ETV1: variants seen among roughly 807,000 people sequenced by gnomAD.
ETV1 encodes ETS translocation variant 1.
ETV1 carries 27 observed loss-of-function variants against 62.3 expected under a neutral mutation model. The observed-to-expected ratio is 0.43, with a 90% CI of 0.32 to 0.60. The LOEUF (loss-of-function observed/expected upper bound fraction) is 0.60. ETV1 is among the 20% of genes least tolerant of loss of function. The pLI, the probability that ETV1 is intolerant of heterozygous loss-of-function variation, is 0.06. For synonymous variants in ETV1, 222 were observed against 199.6 expected (o/e 1.11, Z -0.94); for missense variants, 605 against 605.8 (o/e 1.00, Z 0.01).
Position 13,892,778 on chromosome 7 carries a change from T to G in ETV1, c.*3088A>C, listed in dbSNP as rs1583531854. 4.3e-6 allele frequency: 1 copy of G among 232,334 alleles called. No individual in the cohort carries two copies. The highest frequency in any genetic ancestry group is 8.5e-6 in the Non-Finnish European group (1 of 117,584). 14.4% of individuals were successfully genotyped at this position (232,334 alleles called of 1,614,324 possible). ...ACCATGGAAGCAGAGATTGAAGTGA[T>G]GTAGCCAGGAGCCAAGGAATGTCAG... is the stretch of plus-strand genomic sequence containing the variant. On this transcript the variant is annotated 3_prime_UTR_variant, in exon 14 of 14. Transcript: ENST00000430479.
intron 10 of ETV1, chr7:13,910,553 C>G: frequency 2.0e-6 from 1 of 488,774 alleles, no homozygotes; most frequent in Non-Finnish European, 2.7e-6. Flanking sequence ...ACAAAATAAC[C>G]AATATTAGAC....
intron 13 of ETV1, among the ~76,000 whole-genome samples, chr7:13,898,469 G>T (rs935530748): frequency 3.3e-5 from 5 of 152,124 alleles, no homozygotes; most frequent in African/African-American, 1.2e-4. Flanking sequence ...GGTATATATT[G>T]TTCTAGGCAT....
intron 7 of ETV1, among the ~76,000 whole-genome samples, chr7:13,937,528 T>C (rs1393596597): frequency 6.6e-6 from 1 of 152,202 alleles, no homozygotes; most frequent in Non-Finnish European, 1.5e-5. Flanking sequence ...TATTATTGAT[T>C]TGTGGATGTC....
At position 13,989,373 on chromosome 7, in the gene ETV1, G is replaced by C. The variant is rs1000401148; in HGVS notation, c.-193C>G. On this transcript the variant is annotated 5_prime_UTR_variant, in exon 2 of 14. Transcript: ENST00000430479. ...TTATTTACACTCTCGATGTTTCCCT[G>C]CGCGGTCGGTGTACCCCGGGCAGCT... The C allele has an allele frequency of 2.1e-6, 1 of 484,352 alleles. No individual in the cohort carries two copies. The highest frequency in any genetic ancestry group is 2.0e-5 in the African/African-American group (1 of 49,986). 30.0% of individuals were successfully genotyped at this position (484,352 alleles called of 1,614,324 possible). A position where few individuals can be genotyped will look rare whatever the true frequency, so the allele number is the denominator to read the frequency against.
At chr7:13,981,051 G>A (rs1048614142) in intron 5 of ETV1, among the ~76,000 whole-genome samples, 1 of 151,524 alleles carries the variant, frequency 6.6e-6, no homozygotes, top group African/African-American at 2.4e-5. Flanking sequence ...CTGCAGGGAA[G>A]CGAAAACCCT....
chr7:13,969,773 A>G (rs1283858309), intron 6 of ETV1, among the ~76,000 whole-genome samples: 1 of 152,210 alleles, frequency 6.6e-6, no homozygotes, highest in Non-Finnish European at 1.5e-5. Context: ...ATGTTTTTCT[A>G]TCTTCATAGG....
At chr7:13,985,674 T>C (rs920422772) in intron 5 of ETV1, among the ~76,000 whole-genome samples, 2 of 152,150 alleles carry the variant, frequency 1.3e-5, no homozygotes, top group Non-Finnish European at 2.9e-5. Flanking sequence ...ATAATACTGT[T>C]ATACACTCAA....
At chr7:13,968,620 G>C (rs1301655673) in intron 6 of ETV1, among the ~76,000 whole-genome samples, 1 of 151,654 alleles carries the variant, frequency 6.6e-6, no homozygotes, top group Non-Finnish European at 1.5e-5. Context: ...ATAAGGGAAA[G>C]TGTCCTTCAT....
intron 6 of ETV1, among the ~76,000 whole-genome samples, chr7:13,960,086 T>C (rs1789991467): frequency 1.3e-5 from 2 of 152,058 alleles, no homozygotes; most frequent in South Asian, 4.2e-4. Context: ...ATTTCTTCTT[T>C]TTGAGTTGCT....
At chr7:13,926,596 G>A (rs1443114111) in intron 9 of ETV1, among the ~76,000 whole-genome samples, 2 of 152,026 alleles carry the variant, frequency 1.3e-5, no homozygotes, top group Non-Finnish European at 2.9e-5. Flanking sequence ...GTGGGCATTT[G>A]ACCATAAGGG....
chr7:13,968,478 G>A (rs1007723411), intron 6 of ETV1, among the ~76,000 whole-genome samples: 2 of 151,056 alleles, frequency 1.3e-5, no homozygotes, highest in African/African-American at 2.4e-5. Flanking sequence ...CTAAAATCAA[G>A]ACTAATGTAA....
intron 8 of ETV1, among the ~76,000 whole-genome samples, chr7:13,934,717 A>G (rs1375867268): frequency 6.6e-6 from 1 of 152,200 alleles, no homozygotes; most frequent in East Asian, 1.9e-4. Flanking sequence ...GAGGTTACTT[A>G]TGTCTCTGGT....
rs1241937750 is a variant in ETV1 at position 13,978,439 on chromosome 7, G to A, written c.182-959C>T. On this transcript the variant is annotated intron_variant, in intron 5 of 13. Coordinates refer to ENST00000430479, the MANE Select transcript of ETV1 (RefSeq NM_004956.5). ...CACACGCCCAAAAAATAGAAGTTAG[G>A]TTACTTTTAATTTGATAAAAATATA... Among the ~76,000 whole-genome samples, 10 of 151,590 alleles carry A rather than the reference G, an allele frequency of 6.6e-5. No individual in the cohort carries two copies. In the East Asian group the frequency reaches 1.9e-3, roughly 29 times the overall value.
Position 13,989,412 on chromosome 7 carries a change from G to C in ETV1, c.-232C>G, listed in dbSNP as rs1279436677. The C allele has an allele frequency of 9.2e-6, 4 of 435,208 alleles. No individual in the cohort carries two copies. The highest frequency in any genetic ancestry group is 4.1e-5 in the African/African-American group (2 of 49,094). 27.0% of individuals were successfully genotyped at this position (435,208 alleles called of 1,614,324 possible). A position where few individuals can be genotyped will look rare whatever the true frequency, so the allele number is the denominator to read the frequency against. ...CCCCGGGCAGCTCTGATTCGCAAACGTGTGCAAAACTAGCAATGGCGATCA... is the reference window on the plus strand; with the variant it reads ...CCCCGGGCAGCTCTGATTCGCAAACCTGTGCAAAACTAGCAATGGCGATCA... On this transcript the variant is annotated 5_prime_UTR_variant, in exon 2 of 14. Transcript: ENST00000430479.
rs76680554 is a variant in ETV1 at position 13,952,804 on chromosome 7, C to T, written c.236-13558G>A. Among the ~76,000 whole-genome samples the T allele has an allele frequency of 2.3e-4, 35 of 152,226 alleles. No homozygotes were observed. In the East Asian group the frequency reaches 5.2e-3, roughly 23 times the overall value. ...TTCCTAATTTTAAAAGCATCACAAG[C>T]GTCATTAATTGCAAAATAAAGAGAC... On this transcript the variant is annotated intron_variant, in intron 6 of 13. Coordinates refer to ENST00000430479, the MANE Select transcript of ETV1 (RefSeq NM_004956.5).
Position 13,893,422 on chromosome 7 carries a change from A to G in ETV1, c.*2444T>C, listed in dbSNP as rs942328412. 1.7e-5 allele frequency: 4 copies of G among 230,484 alleles called. No individual in the cohort carries two copies. Among genetic ancestry groups the G allele is most frequent in the African/African-American group, 2.2e-5 (1 of 45,248 alleles). The allele number at this position is 230,484 out of a possible 1,614,324, so 14.3% of individuals were successfully genotyped here. A position where few individuals can be genotyped will look rare whatever the true frequency, so the allele number is the denominator to read the frequency against. The stretch of plus-strand genomic sequence containing the variant: ...AATATTTTCAACCCTTCTGTATTGG[A>G]AATACACTTAATGTTGGTCAATTAT... On this transcript the variant is annotated 3_prime_UTR_variant, in exon 14 of 14. Transcript: ENST00000430479.
chr7:13,970,263 A>AACACACACACAC lies in ETV1; in HGVS notation c.235+7152_235+7163dup, dbSNP rs71033966. Among the ~76,000 whole-genome samples the AACACACACACAC allele has an allele frequency of 1.8e-3, 223 of 126,624 alleles. 4 individuals carry two copies. Among genetic ancestry groups the AACACACACACAC allele is most frequent in the African/African-American group, 4.4e-3 (139 of 31,762 alleles). 83.1% of individuals were successfully genotyped at this position (126,624 alleles called of 152,430 possible). A position where few individuals can be genotyped will look rare whatever the true frequency, so the allele number is the denominator to read the frequency against. On this transcript the variant is annotated intron_variant, in intron 6 of 13. Transcript: ENST00000430479. ...GCGACAGAGCGAGACCCCATCTCAA[A>AACACACACACAC]ACACACACACACACACACACACACA... is the stretch of plus-strand genomic sequence containing the variant.
In ETV1 at chr7:13,977,320, T is replaced by C; in HGVS notation, c.235+107A>G. ...TGGCTGTAAGTTAAAAAGGTGCTGGTACAATGTAAGACAAGACACTGGACG... is the reference window on the plus strand; with the variant it reads ...TGGCTGTAAGTTAAAAAGGTGCTGGCACAATGTAAGACAAGACACTGGACG... On this transcript the variant is annotated intron_variant, in intron 6 of 13. Coordinates refer to ENST00000430479, the MANE Select transcript of ETV1 (RefSeq NM_004956.5). The C allele has an allele frequency of 7.3e-6, 5 of 687,040 alleles. No homozygotes were observed. In the South Asian group the frequency reaches 9.7e-5, roughly 13 times the overall value. 42.6% of individuals were successfully genotyped at this position (687,040 alleles called of 1,614,324 possible). A position where few individuals can be genotyped will look rare whatever the true frequency, so the allele number is the denominator to read the frequency against.
At chr7:13,982,145 C>T (rs959033826) in intron 5 of ETV1, among the ~76,000 whole-genome samples, 1 of 152,198 alleles carries the variant, frequency 6.6e-6, no homozygotes, top group South Asian at 2.1e-4. Flanking sequence ...GTCAAATCAG[C>T]TTCAATTCCT....
Sources: allele counts gnomAD v4.1 joint callset (sites outside exome capture counted in the v4.1 genomes callset), GRCh38; gene constraint gnomAD v4.1.1; transcripts MANE v1.5; gene names NCBI Gene and HGNC (gene_info 2026-07-23, HGNC 2026-07-21).